ANK1: variants seen among roughly 807,000 people sequenced by gnomAD.
The protein encoded by ANK1 is ankyrin 1.
In ANK1, 51 loss-of-function variants were observed where a neutral mutation model predicts 210.4. That is an observed-to-expected ratio of 0.24 (90% CI 0.19 to 0.31). The LOEUF (loss-of-function observed/expected upper bound fraction) is 0.31. ANK1 is among the 10% of genes least tolerant of loss of function. ANK1 has a pLI of 1.00. For missense variants in ANK1, 2,051 were observed against 2,504.4 expected, an observed-to-expected ratio of 0.82 and a Z score of 3.86; for synonymous variants, 967 against 1,025.9, an observed-to-expected ratio of 0.94 and a Z score of 1.10.
chr8:41,760,880 T>C (rs1840230500), intron 1 of ANK1, among the ~76,000 whole-genome samples: 1 of 151,988 alleles, frequency 6.6e-6, no homozygotes, highest in Non-Finnish European at 1.5e-5. Flanking sequence ...AGGCACTTTG[T>C]CTCCTTCCTC....
rs892117083 is a variant in ANK1, at chr8:41,704,832, G to C, written c.2098-360C>G. Reference sequence around the variant, plus strand: ...GTGAGGCAGAGGCAGAAAAGAGGAGGGAAACCTTGAGAGACCAGCATCACA... The same window carrying C: ...GTGAGGCAGAGGCAGAAAAGAGGAGCGAAACCTTGAGAGACCAGCATCACA... On this transcript the variant is annotated intron_variant, in intron 18 of 42. Transcript: ENST00000289734. This position sits in a 1 kb window ranked among gnomAD's most constrained non-coding sequence, Gnocchi z 4.1. 2.0e-5 allele frequency among the ~76,000 whole-genome samples: 3 copies of C among 152,110 alleles called. No homozygotes were observed. Among genetic ancestry groups the C allele is most frequent in the African/African-American group, 7.2e-5 (3 of 41,422 alleles).
At position 41,854,144 on chromosome 8, in the gene ANK1, C is replaced by T. The variant is rs141888596; in HGVS notation, c.126+42211G>A. 2.3e-3 allele frequency among the ~76,000 whole-genome samples: 347 copies of T among 152,330 alleles called. 1 individual carries two copies. Among genetic ancestry groups the T allele is most frequent in the African/African-American group, 7.7e-3 (321 of 41,580 alleles). ...ATGGCTAAATCACAACTTCCTGCAG[C>T]GGGTCGCTGCTCCAGCTGGGCTGTG... On this transcript the variant is annotated intron_variant, in intron 1 of 42. Coordinates refer to the ANK1 transcript ENST00000265709.
chr8:41,801,800 C>T (rs1161896526), upstream of ANK1, among the ~76,000 whole-genome samples: 1 of 152,180 alleles, frequency 6.6e-6, no homozygotes, highest in Non-Finnish European at 1.5e-5. Context: ...TATCTCCTCC[C>T]AGTGTGTAGT....
intron 26 of ANK1, among the ~76,000 whole-genome samples, chr8:41,695,760 C>T (rs1346149399): frequency 2.0e-5 from 3 of 152,248 alleles, no homozygotes; most frequent in Non-Finnish European, 2.9e-5. Flanking sequence ...TGGTGGTGAC[C>T]GCTCTGAGGG....
At chr8:41,870,137 C>T (rs1414211703) in intron 1 of ANK1, among the ~76,000 whole-genome samples, 1 of 152,010 alleles carries the variant, frequency 6.6e-6, no homozygotes, top group Admixed American at 6.6e-5. Flanking sequence ...AACAGAGGGC[C>T]CCACCTCTGT....
rs757595632 is a variant in ANK1 at position 41,661,860 on chromosome 8, G to T, written c.5544+16C>A. 6.8e-6 allele frequency: 11 copies of T among 1,614,098 alleles called. No individual in the cohort carries two copies. Among genetic ancestry groups the T allele is most frequent in the South Asian group, 3.3e-5 (3 of 91,084 alleles). ...TCCAGCTCACTGGGATCCTCCAGGG[G>T]CCCCTCTACAGTCACCTCCTCGTGC... On this transcript the variant is annotated intron_variant, in intron 41 of 42. Transcript: ENST00000289734.
At chr8:41,848,738 G>A (rs1286029437) in intron 1 of ANK1, among the ~76,000 whole-genome samples, 5 of 152,214 alleles carry the variant, frequency 3.3e-5, no homozygotes, top group Admixed American at 2.0e-4. Context: ...TGAATTTACT[G>A]CTCTTAAGGT....
At chr8:41,802,804 G>A (rs1406348371) in intron 1 of ANK1, among the ~76,000 whole-genome samples, 1 of 151,606 alleles carries the variant, frequency 6.6e-6, no homozygotes, top group Admixed American at 6.6e-5. Context: ...CAGCTACTGG[G>A]GAGGCTGAGG....
chr8:41,857,525 G>C (rs1057129716), intron 1 of ANK1, among the ~76,000 whole-genome samples: 1 of 151,826 alleles, frequency 6.6e-6, no homozygotes, highest in Non-Finnish European at 1.5e-5. Context: ...AATCACCTGA[G>C]GTTGGGAGTT....
rs1170916038 is a variant in ANK1, at chr8:41,654,709, A to G, written c.*1081T>C. 6.6e-6 allele frequency: 1 copy of G among 152,624 alleles called. No individual in the cohort carries two copies. Among genetic ancestry groups the G allele is most frequent in the African/African-American group, 2.4e-5 (1 of 41,436 alleles). The allele number at this position is 152,624 out of a possible 1,614,324, so 9.5% of individuals were successfully genotyped here. On this transcript the variant is annotated 3_prime_UTR_variant, in exon 43 of 43. Coordinates refer to ENST00000289734, the MANE Select transcript of ANK1 (RefSeq NM_000037.4). ...CTGCTAAATGTTTCTATTGGTTTGC[A>G]TAGTATTTATTGTTTTTCATATACA...
chr8:41,700,369 T>C (rs1175592191), intron 22 of ANK1: 3 of 1,529,980 alleles, frequency 2.0e-6, no homozygotes, highest in Non-Finnish European at 2.7e-6. Context: ...AGCATCAGGG[T>C]TGCTTAGGGT....
chr8:41,894,981 A>C (rs1279372556), intron 1 of ANK1, among the ~76,000 whole-genome samples: 1 of 152,048 alleles, frequency 6.6e-6, no homozygotes, highest in Non-Finnish European at 1.5e-5. Flanking sequence ...CCCTCAAGGG[A>C]GGTGGGGACG....
At chr8:41,857,731 T>C (rs1401648971) in intron 1 of ANK1, among the ~76,000 whole-genome samples, 24 of 131,622 alleles carry the variant, frequency 1.8e-4, no homozygotes, top group African/African-American at 6.8e-4. Flanking sequence ...AGAGCAAAAC[T>C]CCATCTCAGA....
intron 2 of ANK1, among the ~76,000 whole-genome samples, chr8:41,736,856 C>G (rs1465508401): frequency 6.6e-6 from 1 of 152,190 alleles, no homozygotes; most frequent in African/African-American, 2.4e-5. Flanking sequence ...CCCTGAACTC[C>G]ACCCTTTCAT....
intron 39 of ANK1, among the ~76,000 whole-genome samples, chr8:41,667,867 T>G (rs900369174): frequency 6.6e-6 from 1 of 152,148 alleles, no homozygotes; most frequent in Admixed American, 6.5e-5. Flanking sequence ...CTTGGGCACG[T>G]CACCCAGGTC....
chr8:41,672,404 T>G lies in ANK1; in HGVS notation c.5046A>C (p.Arg1682=), dbSNP rs200193226. Residue 1682 remains arginine, a synonymous_variant, in exon 38 of 43, where the codon CGA becomes CGC. Coordinates refer to ENST00000289734, the MANE Select transcript of ANK1 (RefSeq NM_000037.4). ...LVSGHQRGQA[R]ITHSPTVSQV... ...GACTCACGGTGGGGGAATGTGTGAT[T>G]CGGGCTTGCCCCCTCTGATGGCCTG... 3.1e-6 allele frequency: 5 copies of G among 1,614,202 alleles called. No individual in the cohort carries two copies. The African/African-American group carries it at 4.0e-5, about 13-fold the overall frequency.
At chr8:41,752,656 G>A (rs1172440941) in intron 2 of ANK1, among the ~76,000 whole-genome samples, 1 of 151,972 alleles carries the variant, frequency 6.6e-6, no homozygotes, top group Non-Finnish European at 1.5e-5. Context: ...GCCAGCCCTC[G>A]GAAAGTCTTT....
chr8:41,779,764 A>G (rs1433719424), intron 1 of ANK1, among the ~76,000 whole-genome samples: 1 of 152,210 alleles, frequency 6.6e-6, no homozygotes, highest in African/African-American at 2.4e-5. Flanking sequence ...GGGCACAGAG[A>G]GGTTAAAAAA....
intron 37 of ANK1, among the ~76,000 whole-genome samples, chr8:41,682,941 G>C (rs375290194): frequency 5.9e-5 from 9 of 152,174 alleles, no homozygotes; most frequent in African/African-American, 2.2e-4. Context: ...GCTCTGGCCA[G>C]GTCCCCTGAG....
Sources: gnomAD v4.1 joint callset for allele counts (sites outside exome capture counted in the v4.1 genomes callset) on GRCh38, gnomAD v4.1.1 for gene constraint, Gnocchi (gnomAD v3.1) non-coding constraint, MANE v1.5 for transcripts, NCBI Gene and HGNC (gene_info 2026-07-23, HGNC 2026-07-21) for gene names.